The following INSYN2B variants were observed in gnomAD, a reference collection of about 807,000 sequenced individuals.
The protein encoded by INSYN2B is protein INSYN2B.
Under a neutral mutation model 41.2 loss-of-function variants are expected in INSYN2B, and 16 were observed. The observed-to-expected ratio is 0.39, with a 90% confidence interval of 0.26 to 0.59. The LOEUF is 0.59. Among genes scored for constraint, INSYN2B ranks in the 20% least tolerant of loss-of-function variants. The pLI is 0.57. For missense variants in INSYN2B, 608 were observed against 646.4 expected, an observed-to-expected ratio of 0.94 and a Z score of 0.64; for synonymous variants, 245 against 244.4, an observed-to-expected ratio of 1.00 and a Z score of -0.02.
At chr5:169,973,809 A>G (rs1237031080) in intron 1 of INSYN2B, among the ~76,000 whole-genome samples, 2 of 152,176 alleles carry the variant, frequency 1.3e-5, no homozygotes, top group Non-Finnish European at 2.9e-5. Flanking sequence ...AACTTTACCA[A>G]TTGGTCTATC....
intron 1 of INSYN2B, among the ~76,000 whole-genome samples, chr5:169,894,509 T>A (rs547896169): frequency 6.6e-6 from 1 of 152,290 alleles, no homozygotes; most frequent in South Asian, 2.1e-4. Flanking sequence ...CAATGAAGGT[T>A]TTCCCACTTC....
At chr5:169,943,431 G>A (rs1776321319) in intron 1 of INSYN2B, among the ~76,000 whole-genome samples, 1 of 152,114 alleles carries the variant, frequency 6.6e-6, no homozygotes, top group Non-Finnish European at 1.5e-5. Context: ...TTTAAAAAAT[G>A]TGAATCCTTT....
In INSYN2B at chr5:169,884,807, CGAG is replaced by C. The variant is rs1023131850; in HGVS notation, c.-912_-910del. 15 of 152,310 alleles carry C rather than the reference CGAG, an allele frequency of 9.8e-5. No individual in the cohort carries two copies. Among genetic ancestry groups the C allele is most frequent in the African/African-American group, 3.6e-4 (15 of 41,512 alleles). The allele number at this position is 152,310 out of a possible 1,614,324, so 9.4% of individuals were successfully genotyped here. ...CTGGGGTCTGATATCTGCAAGCAGG[CGAG>C]GAGCACCTGAAAGGGAAGAGACAAC... is the stretch of plus-strand genomic sequence containing the variant. On this transcript the variant is annotated 5_prime_UTR_variant, in exon 2 of 4. Transcript: ENST00000377365.
At chr5:169,967,746 G>T (rs537706888) in intron 1 of INSYN2B, among the ~76,000 whole-genome samples, 18 of 152,198 alleles carry the variant, frequency 1.2e-4, no homozygotes, top group Non-Finnish European at 2.4e-4. Flanking sequence ...CAATAATCCA[G>T]GTACTGATGA....
Position 169,890,776 on chromosome 5 carries a change from T to C in INSYN2B, c.-918-5960A>G, listed in dbSNP as rs186396653. ...TTGTGAAATCTTGTTCTCATCTTTCTATATACCATGTTTGACTTTTTTGCA... is the reference window on the plus strand; with the variant it reads ...TTGTGAAATCTTGTTCTCATCTTTCCATATACCATGTTTGACTTTTTTGCA... On this transcript the variant is annotated intron_variant, in intron 1 of 3. Transcript: ENST00000377365. Among the ~76,000 whole-genome samples the C allele has an allele frequency of 4.4e-3, 671 of 152,302 alleles. 7 individuals carry two copies. The highest frequency in any genetic ancestry group is 0.015 in the African/African-American group (628 of 41,552).
intron 1 of INSYN2B, among the ~76,000 whole-genome samples, chr5:169,943,655 G>C (rs1366874065): frequency 6.6e-6 from 1 of 152,184 alleles, no homozygotes; most frequent in Admixed American, 6.5e-5. Context: ...AGAGTTTGCA[G>C]ATCTGGGGGC....
Position 169,862,037 on chromosome 5 carries a change from CAT to C in INSYN2B, c.*2234_*2235del, listed in dbSNP as rs1771235385. ...TTCATGTGAGGGCCTCAACTGGAAA[CAT>C]ATCTATGACCACATCAGCTTATTAA... On this transcript the variant is annotated 3_prime_UTR_variant, in exon 4 of 4. Transcript: ENST00000377365. Among the ~76,000 whole-genome samples the C allele has an allele frequency of 6.6e-6, 1 of 151,754 alleles. No homozygotes were observed.
At chr5:169,879,226 C>T (rs995745501) in intron 3 of INSYN2B, among the ~76,000 whole-genome samples, 1 of 152,202 alleles carries the variant, frequency 6.6e-6, no homozygotes, top group African/African-American at 2.4e-5. Flanking sequence ...CAGTGACATG[C>T]ACTGAGCGCA....
intron 1 of INSYN2B, among the ~76,000 whole-genome samples, chr5:169,898,266 A>C (rs1773723444): frequency 6.6e-6 from 1 of 152,128 alleles, no homozygotes; most frequent in Non-Finnish European, 1.5e-5. Flanking sequence ...CTCCTTTCTC[A>C]TGGGGGCTCC....
In INSYN2B at chr5:169,882,730, A is replaced by T. The variant is rs1037930044; in HGVS notation, c.1169T>A (p.Leu390His). ...GTCACTAATCTCCCTGTTGCTCTGAAGTTTGGTCTCACTCCTTGAAAGAGA... is the reference window on the plus strand; with the variant it reads ...GTCACTAATCTCCCTGTTGCTCTGATGTTTGGTCTCACTCCTTGAAAGAGA... ...PSSLSRSETKLQSNREISDIN... is the reference protein window; with the variant it reads ...PSSLSRSETKHQSNREISDIN... The change falls in exon 2 of 4, where the codon CTT (leucine) becomes CAT (histidine). Residue 390 changes from leucine (L) to histidine (H), a missense_variant. Coordinates refer to ENST00000377365, the MANE Select transcript of INSYN2B (RefSeq NM_001129891.3). 5 of 1,551,718 alleles carry T rather than the reference A, an allele frequency of 3.2e-6. No individual in the cohort carries two copies. The African/African-American group carries it at 6.9e-5, about 21-fold the overall frequency.
chr5:169,917,610 C>T (rs1774946862), intron 1 of INSYN2B, among the ~76,000 whole-genome samples: 1 of 152,152 alleles, frequency 6.6e-6, no homozygotes, highest in African/African-American at 2.4e-5. Flanking sequence ...CGATTGCTTG[C>T]TGTTTTTTGG....
chr5:169,862,558 T>C lies in INSYN2B; in HGVS notation c.*1715A>G, dbSNP rs10475924. On this transcript the variant is annotated 3_prime_UTR_variant, in exon 4 of 4. Coordinates refer to ENST00000377365, the MANE Select transcript of INSYN2B (RefSeq NM_001129891.3). ...AGTGGTAGCATATCTTATTGAAATGTGGCTTCTTAAGTATGACAAGTGTAT... is the reference window on the plus strand; with the variant it reads ...AGTGGTAGCATATCTTATTGAAATGCGGCTTCTTAAGTATGACAAGTGTAT... Among the ~76,000 whole-genome samples, 373 of 152,354 alleles carry C rather than the reference T, an allele frequency of 2.4e-3. 3 individuals carry two copies. The highest frequency in any genetic ancestry group is 8.7e-3 in the African/African-American group (361 of 41,578).
chr5:169,925,790 T>C (rs1177062959), intron 1 of INSYN2B, among the ~76,000 whole-genome samples: 1 of 152,086 alleles, frequency 6.6e-6, no homozygotes. Flanking sequence ...AGACCAATAA[T>C]GGTGAGTCCT....
intron 1 of INSYN2B, among the ~76,000 whole-genome samples, chr5:169,887,713 G>A (rs1037427564): frequency 6.6e-6 from 1 of 152,174 alleles, no homozygotes; most frequent in Non-Finnish European, 1.5e-5. Context: ...TGGAGCTCTT[G>A]TCTAATTATC....
In INSYN2B at chr5:169,905,658, A is replaced by G. The variant is rs372445308; in HGVS notation, c.-918-20842T>C. Among the ~76,000 whole-genome samples, 76 of 152,292 alleles carry G rather than the reference A, an allele frequency of 5.0e-4. 1 individual carries two copies. In the East Asian group the frequency reaches 0.012, roughly 24 times the overall value. On this transcript the variant is annotated intron_variant, in intron 1 of 3. Transcript: ENST00000377365. The stretch of plus-strand genomic sequence containing the variant: ...AGGGATGGGTGTGGGGTAGGCAGGG[A>G]CTGGACAAACCATCCAGGCTGTGTG...
At chr5:169,868,459 AC>A in intron 3 of INSYN2B, among the ~76,000 whole-genome samples, 1 of 152,308 alleles carries the variant, frequency 6.6e-6, no homozygotes, top group South Asian at 2.1e-4. Flanking sequence ...GTGTCCTAAT[AC>A]CTGTTTAATA....
Position 169,883,181 on chromosome 5 carries a change from G to A in INSYN2B, c.718C>T (p.Arg240Cys), listed in dbSNP as rs761122238. Residue 240 changes from arginine (R) to cysteine (C), a missense_variant, in exon 2 of 4, where the codon CGT becomes TGT. Transcript: ENST00000377365. ...GTCACCCTTCTCCCATCACCTGGAC[G>A]TGTGTCATCCAAAGGGTGTATGGAG... ...SNSIHPLDDTRPGDGRRVTPL... is the reference protein window; with the variant it reads ...SNSIHPLDDTCPGDGRRVTPL... 9.7e-5 allele frequency: 151 copies of A among 1,551,484 alleles called. No individual in the cohort carries two copies. Among genetic ancestry groups the A allele is most frequent in the East Asian group, 2.2e-4 (9 of 40,938 alleles).
At chr5:169,979,189 A>G (rs963330299) in intron 1 of INSYN2B, among the ~76,000 whole-genome samples, 87 of 152,286 alleles carry the variant, frequency 5.7e-4, no homozygotes, top group African/African-American at 1.9e-3. Context: ...AGGCTTTTCC[A>G]GGTTTCTGAC....
chr5:169,972,579 AGATAGATG>A (rs1777552567), intron 1 of INSYN2B, among the ~76,000 whole-genome samples: 1 of 53,700 alleles, frequency 1.9e-5, no homozygotes, highest in Non-Finnish European at 4.4e-5. Flanking sequence ...ATAGATAGAT[AGATAGATG>A]ATAGATAGAT....
Sources: allele counts gnomAD v4.1 joint callset (sites outside exome capture counted in the v4.1 genomes callset), GRCh38; gene constraint gnomAD v4.1.1; transcripts MANE v1.5; gene names NCBI Gene and HGNC (gene_info 2026-07-23, HGNC 2026-07-21).